The following ARHGAP22 variants were observed in gnomAD, a reference collection of about 807,000 sequenced individuals.
ARHGAP22 encodes the protein rho GTPase-activating protein 22.
Under a neutral mutation model 59.1 loss-of-function variants are expected in ARHGAP22, and 48 were observed. That is an observed-to-expected ratio of 0.81 (90% CI 0.64 to 1.03). ARHGAP22 has a LOEUF of 1.03. ARHGAP22 is among the 50% of genes least tolerant of loss of function. The pLI, the probability that ARHGAP22 is intolerant of heterozygous loss-of-function variation, is 0.00. For synonymous variants in ARHGAP22, 445 were observed against 416.4 expected, an observed-to-expected ratio of 1.07 and a Z score of -0.84; for missense variants, 1,015 against 958.7, an observed-to-expected ratio of 1.06 and a Z score of -0.78.
At chr10:48,605,113 A>T, upstream of ARHGAP22, 1 of 1,224,640 alleles carries the variant, frequency 8.2e-7, no homozygotes, top group Non-Finnish European at 1.0e-6. Context: ...GCCTGGGCGC[A>T]CGCGTGGCTG....
intron 3 of ARHGAP22, among the ~76,000 whole-genome samples, chr10:48,524,396 C>A (rs1246907767): frequency 1.3e-5 from 2 of 151,868 alleles, no homozygotes; most frequent in African/African-American, 4.8e-5. Flanking sequence ...GCTCCCTGCC[C>A]TCGCCGGCGC....
chr10:48,583,261 G>A, intron 1 of ARHGAP22, 109 bp from the exon 2 acceptor site: 2 of 1,326,628 alleles, frequency 1.5e-6, no homozygotes, highest in East Asian at 2.3e-5. Context: ...GGGAGCCCAG[G>A]CCAGCAGGAT....
chr10:48,608,163 G>T (rs1589146538), upstream of ARHGAP22, among the ~76,000 whole-genome samples: 1 of 152,352 alleles, frequency 6.6e-6, no homozygotes, highest in East Asian at 1.9e-4. Context: ...GTGTTTGCTG[G>T]CTGCCATCCT....
At chr10:48,650,555 T>C (rs1272627997) in intron 1 of ARHGAP22, among the ~76,000 whole-genome samples, 1 of 152,230 alleles carries the variant, frequency 6.6e-6, no homozygotes, top group Non-Finnish European at 1.5e-5. Context: ...AATGGTTAAA[T>C]TCATGTTATA....
chr10:48,654,546 G>C (rs2062682296), upstream of ARHGAP22, among the ~76,000 whole-genome samples: 1 of 152,194 alleles, frequency 6.6e-6, no homozygotes, highest in Non-Finnish European at 1.5e-5. Flanking sequence ...AGCTGGTATG[G>C]AAAAGAGGTG....
intron 1 of ARHGAP22, among the ~76,000 whole-genome samples, chr10:48,620,090 C>A (rs2061231341): frequency 6.6e-6 from 1 of 152,074 alleles, no homozygotes. Flanking sequence ...AGTGTATTAC[C>A]TTTGATCAGT....
chr10:48,532,791 T>C (rs1207728262), intron 3 of ARHGAP22: 1 of 152,162 alleles, frequency 6.6e-6, no homozygotes, highest in Non-Finnish European at 1.5e-5. Context: ...TCCAGCTTCA[T>C]CCATGTCCCT....
intron 3 of ARHGAP22, among the ~76,000 whole-genome samples, chr10:48,483,432 AT>A (rs2049526536): frequency 6.6e-6 from 1 of 152,316 alleles, no homozygotes; most frequent in African/African-American, 2.4e-5. Flanking sequence ...CAGCAGTGGA[AT>A]TGCTGGATCA....
At chr10:48,456,837 C>T (rs2046568318) in intron 5 of ARHGAP22, among the ~76,000 whole-genome samples, 1 of 151,744 alleles carries the variant, frequency 6.6e-6, no homozygotes, top group African/African-American at 2.4e-5. Flanking sequence ...CCCTCCTTCC[C>T]CACTGCAGTG....
intron 1 of ARHGAP22, among the ~76,000 whole-genome samples, chr10:48,625,995 G>C (rs1036676288): frequency 4.6e-5 from 7 of 152,248 alleles, no homozygotes; most frequent in African/African-American, 1.4e-4. Context: ...AGAGAGACCT[G>C]GGCAAATCAA....
chr10:48,654,806 CT>C (rs1565068671), upstream of ARHGAP22, among the ~76,000 whole-genome samples: 9,528 of 131,212 alleles, frequency 0.073, 456 homozygotes, highest in Middle Eastern at 0.11. Context: ...TTCTTTCTTT[CT>C]TTCTTTCTTT....
intron 8 of ARHGAP22, 123 bp downstream of exon 8, chr10:48,453,181 C>T (rs570921744): frequency 9.4e-6 from 13 of 1,383,338 alleles, no homozygotes; most frequent in African/African-American, 4.3e-5. Flanking sequence ...GGAGATGTGC[C>T]ACCTGAGCCA....
intron 9 of ARHGAP22, 128 bp from the exon 10 acceptor site, chr10:48,446,747 T>C (rs2045394157): frequency 1.1e-6 from 1 of 876,556 alleles, no homozygotes; most frequent in Non-Finnish European, 1.7e-6. Context: ...GAGGAAACCC[T>C]GGCTCATCTG....
intron 2 of ARHGAP22, among the ~76,000 whole-genome samples, chr10:48,565,706 T>C (rs915030467): frequency 1.3e-5 from 2 of 152,226 alleles, no homozygotes; most frequent in Non-Finnish European, 2.9e-5. Flanking sequence ...AAAATGAAGA[T>C]ATTTGTCCCA....
At chr10:48,568,202 C>T (rs980647603) in intron 2 of ARHGAP22, among the ~76,000 whole-genome samples, 2 of 152,118 alleles carry the variant, frequency 1.3e-5, no homozygotes, top group Non-Finnish European at 2.9e-5. Context: ...CTGTGATGGC[C>T]GTGTAGTACG....
intron 3 of ARHGAP22, among the ~76,000 whole-genome samples, chr10:48,521,495 A>G (rs1217114239): frequency 6.6e-6 from 1 of 152,242 alleles, no homozygotes; most frequent in African/African-American, 2.4e-5. Flanking sequence ...ACATGCTAAA[A>G]TGTTCTGTTG....
chr10:48,591,935 G>A (rs930009385), intron 1 of ARHGAP22, among the ~76,000 whole-genome samples: 3 of 152,144 alleles, frequency 2.0e-5, no homozygotes, highest in Admixed American at 6.5e-5. Flanking sequence ...TCTAACAATT[G>A]TGCTGCTCAC....
intron 1 of ARHGAP22, among the ~76,000 whole-genome samples, chr10:48,596,953 C>T (rs966567672): frequency 6.6e-6 from 1 of 152,170 alleles, no homozygotes; most frequent in Non-Finnish European, 1.5e-5. Flanking sequence ...CACACCTCCA[C>T]CCCTGTATGT....
At chr10:48,632,013 T>C (rs1287087587) in intron 1 of ARHGAP22, among the ~76,000 whole-genome samples, 1 of 152,232 alleles carries the variant, frequency 6.6e-6, no homozygotes, top group African/African-American at 2.4e-5. Flanking sequence ...CAGGTGGTTT[T>C]GGTTACATGG....
Sources: allele counts gnomAD v4.1 joint callset (sites outside exome capture counted in the v4.1 genomes callset), GRCh38; gene constraint gnomAD v4.1.1; transcripts MANE v1.5; gene names NCBI Gene and HGNC (gene_info 2026-07-23, HGNC 2026-07-21).